The following ATP2B4 variants were observed in gnomAD, a reference collection of about 807,000 sequenced individuals.
ATP2B4 encodes the protein ATPase plasma membrane Ca2+ transporting 4, also known as plasma membrane calcium-transporting ATPase 4.
A neutral mutation model predicts 110.3 loss-of-function variants in ATP2B4; 39 were observed. The observed-to-expected ratio is 0.35, with a 90% CI of 0.27 to 0.46. The LOEUF (loss-of-function observed/expected upper bound fraction) is 0.46, where lower values mean the gene tolerates loss of function less well. Among genes scored for constraint, ATP2B4 ranks in the 20% least tolerant of loss-of-function variants. The pLI, the probability that ATP2B4 is intolerant of heterozygous loss-of-function variation, is 1.00. For synonymous variants in ATP2B4, 538 were observed against 571.7 expected (o/e 0.94, Z 0.84); for missense variants, 1,135 against 1,530.9 (o/e 0.74, Z 4.32).
At chr1:203,711,212 G>A (rs1237023736) in intron 12 of ATP2B4, 104 bp downstream of exon 12, 2 of 1,052,290 alleles carry the variant, frequency 1.9e-6, no homozygotes, top group East Asian at 4.9e-5. Flanking sequence ...CACTTAGAGG[G>A]ATAGAAGTTT....
At chr1:203,658,775 G>A (rs985935179) in intron 1 of ATP2B4, among the ~76,000 whole-genome samples, 2 of 152,118 alleles carry the variant, frequency 1.3e-5, no homozygotes, top group Non-Finnish European at 2.9e-5. Flanking sequence ...GGAGGCTGAG[G>A]CGGGTGGATC....
intron 20 of ATP2B4, among the ~76,000 whole-genome samples, chr1:203,735,334 T>C (rs1666851906): frequency 6.6e-6 from 1 of 152,196 alleles, no homozygotes; most frequent in Non-Finnish European, 1.5e-5. Context: ...CTATTCCTGG[T>C]CATTTTCCCT....
Position 203,707,982 on chromosome 1 carries a change from C to G in ATP2B4, c.1435C>G (p.Gln479Glu), listed in dbSNP as rs1472360451. Reference protein sequence around the residue: ...TLTMNRMTVVQAYIGGIHYRQ... With the variant: ...TLTMNRMTVVEAYIGGIHYRQ... ...GACCATGAACCGCATGACTGTGGTA[C>G]AAGCTTATATTGGGGGCATCCATTA... Residue 479 changes from glutamine (Q) to glutamate (E), a missense_variant, in exon 10 of 21, where the codon CAA becomes GAA. Coordinates refer to ENST00000357681, the MANE Select transcript of ATP2B4 (RefSeq NM_001684.5). 1 of 1,614,202 alleles carries G rather than the reference C, an allele frequency of 6.2e-7. No individual in the cohort carries two copies. Among genetic ancestry groups the G allele is most frequent in the Admixed American group, 1.7e-5 (1 of 60,024 alleles).
intron 1 of ATP2B4, among the ~76,000 whole-genome samples, chr1:203,633,942 C>T (rs771241707): frequency 6.6e-6 from 1 of 151,844 alleles, no homozygotes; most frequent in African/African-American, 2.4e-5. Flanking sequence ...CCCAGCTACT[C>T]GGGAGGCTGA....
intron 20 of ATP2B4, among the ~76,000 whole-genome samples, chr1:203,731,584 G>A (rs1666713411): frequency 6.6e-6 from 1 of 152,050 alleles, no homozygotes; most frequent in African/African-American, 2.4e-5. Context: ...CGGGCGCGGT[G>A]GCTCACACCT....
At position 203,741,887 on chromosome 1, in the gene ATP2B4, T is replaced by C. The variant is rs1667003887; in HGVS notation, c.*2033T>C. ...TCATCAACTATTTTAGAAGATTTAA[T>C]TCTATCAAATCTTGTATTACCTCAG... On this transcript the variant is annotated 3_prime_UTR_variant, in exon 21 of 21. Transcript: ENST00000357681. The C allele has an allele frequency of 1.3e-5, 2 of 152,680 alleles. No homozygotes were observed. The highest frequency in any genetic ancestry group is 4.8e-5 in the African/African-American group (2 of 41,470). 9.5% of individuals were successfully genotyped at this position (152,680 alleles called of 1,614,324 possible). A position where few individuals can be genotyped will look rare whatever the true frequency, so the allele number is the denominator to read the frequency against.
Position 203,708,114 on chromosome 1 carries a change from TC to T in ATP2B4, c.1557+12del. The T allele has an allele frequency of 6.2e-7, 1 of 1,614,084 alleles. No homozygotes were observed. The highest frequency in any genetic ancestry group is 8.5e-7 in the Non-Finnish European group (1 of 1,179,928). ...TACCTCCAAGATTCTGGTAAGCATT[TC>T]CTTTGCGTAGACACTTAGAGTGGGT... On this transcript the variant is annotated intron_variant, in intron 10 of 20. Coordinates refer to ENST00000357681, the MANE Select transcript of ATP2B4 (RefSeq NM_001684.5).
At chr1:203,728,848 A>C (rs965226789) in intron 20 of ATP2B4, among the ~76,000 whole-genome samples, 5 of 126,190 alleles carry the variant, frequency 4.0e-5, no homozygotes, top group Non-Finnish European at 8.2e-5. Context: ...CGAGAGCTAA[A>C]CTCTGTCTCA....
At chr1:203,646,119 G>A (rs1215746714) in intron 1 of ATP2B4, among the ~76,000 whole-genome samples, 3 of 151,826 alleles carry the variant, frequency 2.0e-5, no homozygotes, top group Non-Finnish European at 4.4e-5. Context: ...CACATATACT[G>A]AGCACTTACT....
intron 1 of ATP2B4, among the ~76,000 whole-genome samples, chr1:203,664,988 C>A (rs370530464): frequency 9.2e-5 from 14 of 152,116 alleles, no homozygotes; most frequent in Non-Finnish European, 1.5e-4. Context: ...CCTGCCACCG[C>A]GCCTGGCTAA....
chr1:203,730,929 T>TCA, intron 20 of ATP2B4, among the ~76,000 whole-genome samples: 1 of 152,320 alleles, frequency 6.6e-6, no homozygotes, highest in South Asian at 2.1e-4. Flanking sequence ...GCTCCCAACA[T>TCA]CAGCCCTTCA....
chr1:203,631,145 G>A (rs1663254157), intron 1 of ATP2B4, among the ~76,000 whole-genome samples: 1 of 152,248 alleles, frequency 6.6e-6, no homozygotes, highest in South Asian at 2.1e-4. Context: ...AGAGCCAAGG[G>A]CTCTGGGTCA....
chr1:203,662,784 C>T (rs1331363303), intron 1 of ATP2B4, among the ~76,000 whole-genome samples: 3 of 152,186 alleles, frequency 2.0e-5, no homozygotes, highest in Non-Finnish European at 4.4e-5. Flanking sequence ...GAATAGCCTA[C>T]TCTTTCCTTG....
chr1:203,694,504 C>A (rs959488303), intron 2 of ATP2B4, among the ~76,000 whole-genome samples: 1 of 152,156 alleles, frequency 6.6e-6, no homozygotes, highest in African/African-American at 2.4e-5. Context: ...ACAGCTTGTG[C>A]AGAGGCCCTG....
At chr1:203,667,565 G>A (rs114468060) in intron 1 of ATP2B4, among the ~76,000 whole-genome samples, 4,692 of 152,052 alleles carry the variant, frequency 0.031, 190 homozygotes, top group Admixed American at 0.12. Flanking sequence ...TCTTCTCCTC[G>A]ATATGTTTGT....
intron 1 of ATP2B4, among the ~76,000 whole-genome samples, chr1:203,680,385 G>A (rs914330561): frequency 1.3e-5 from 2 of 152,026 alleles, no homozygotes; most frequent in African/African-American, 2.4e-5. Context: ...CGAGGCGTGC[G>A]GATCACGAGG....
chr1:203,682,603 T>TC (rs35068094), intron 1 of ATP2B4, 139 bp from the exon 2 acceptor site: 128,537 of 152,144 alleles, frequency 0.84, 54,867 homozygotes, highest in East Asian at 1. Flanking sequence ...AGCTCAGGCC[T>TC]AGCTATCAGT....
chr1:203,712,319 G>A (rs867523912), intron 13 of ATP2B4, among the ~76,000 whole-genome samples, 180 bp downstream of exon 13: 3 of 152,156 alleles, frequency 2.0e-5, no homozygotes, highest in East Asian at 3.9e-4. Context: ...CCGGCTGGGC[G>A]CGGTAGCTTA....
chr1:203,634,665 GT>G (rs1663383223), intron 1 of ATP2B4, among the ~76,000 whole-genome samples: 1 of 151,858 alleles, frequency 6.6e-6, no homozygotes, highest in African/African-American at 2.4e-5. Context: ...GCATCTCTTT[GT>G]TTGTTTGTTT....
Sources: allele counts gnomAD v4.1 joint callset (sites outside exome capture counted in the v4.1 genomes callset), GRCh38; gene constraint gnomAD v4.1.1; transcripts MANE v1.5; gene names NCBI Gene and HGNC (gene_info 2026-07-23, HGNC 2026-07-21).